TOX3: variants seen among roughly 807,000 people sequenced by gnomAD.
TOX3 encodes the protein CAG trinucleotide repeat-containing gene F9 protein.
TOX3 carries 22 observed loss-of-function variants against 64.3 expected under a neutral mutation model. The observed-to-expected ratio is 0.34, with a 90% CI of 0.24 to 0.49. The LOEUF (loss-of-function observed/expected upper bound fraction) is 0.49, where lower values mean the gene tolerates loss of function less well. Ranked by LOEUF, TOX3 falls within the 20% of genes least tolerant of loss-of-function variation. TOX3 has a pLI of 0.99. For synonymous variants in TOX3, 291 were observed against 273.6 expected, an observed-to-expected ratio of 1.06 and a Z score of -0.63; for missense variants, 661 against 714.4, an observed-to-expected ratio of 0.93 and a Z score of 0.85.
chr16:52,499,898 G>A (rs941915309), intron 1 of TOX3, among the ~76,000 whole-genome samples: 2 of 152,200 alleles, frequency 1.3e-5, no homozygotes, highest in African/African-American at 2.4e-5. Context: ...GGTTCTGAGA[G>A]TGTACAATCT....
intron 1 of TOX3, among the ~76,000 whole-genome samples, chr16:52,529,837 C>T (rs1051416264): frequency 3.3e-5 from 5 of 152,116 alleles, no homozygotes; most frequent in Non-Finnish European, 5.9e-5. Context: ...GTAAATAGAA[C>T]TTTTTAAAAA....
chr16:52,450,570 G>A (rs1477209020), intron 3 of TOX3, 24 bp from the exon 4 acceptor site: 6 of 1,612,740 alleles, frequency 3.7e-6, no homozygotes, highest in Admixed American at 1.7e-5. Context: ...AACAAAGGGG[G>A]AAAATATTTC....
chr16:52,470,339 C>T lies in TOX3; in HGVS notation c.88-1765G>A, dbSNP rs892797775. ...GTGCACCAGTCCTGGCCCCCCAAAC[C>T]GCCTAACAACATATATCACAACCTC... On this transcript the variant is annotated intron_variant, in intron 1 of 6. Coordinates refer to ENST00000219746, the MANE Select transcript of TOX3 (RefSeq NM_001080430.4). Among the ~76,000 whole-genome samples, 6 of 152,224 alleles carry T rather than the reference C, an allele frequency of 3.9e-5. No homozygotes were observed. In the East Asian group the frequency reaches 7.7e-4, roughly 20 times the overall value.
chr16:52,513,025 G>A (rs942369908), intron 1 of TOX3, among the ~76,000 whole-genome samples: 1 of 152,176 alleles, frequency 6.6e-6, no homozygotes, highest in Admixed American at 6.5e-5. Context: ...ATAATGTCAC[G>A]TTGCATACCA....
chr16:52,542,301 T>C (rs549331332), intron 1 of TOX3, among the ~76,000 whole-genome samples: 3 of 152,350 alleles, frequency 2.0e-5, no homozygotes, highest in East Asian at 1.9e-4. Flanking sequence ...CATAGTTGCA[T>C]GTAAACCATA....
chr16:52,511,416 T>C (rs1567343143), intron 1 of TOX3, among the ~76,000 whole-genome samples: 15 of 151,996 alleles, frequency 9.9e-5, no homozygotes, highest in Admixed American at 7.9e-4. Flanking sequence ...TGCTTAAACC[T>C]GGGAGGCGGA....
intron 3 of TOX3, among the ~76,000 whole-genome samples, chr16:52,450,878 T>C (rs1461371992): frequency 6.6e-6 from 1 of 151,344 alleles, no homozygotes; most frequent in South Asian, 2.1e-4. Context: ...GAAAGGAAAT[T>C]AGAAAAACTA....
At chr16:52,452,133 C>T (rs1960369205) in intron 3 of TOX3, among the ~76,000 whole-genome samples, 1 of 152,102 alleles carries the variant, frequency 6.6e-6, no homozygotes, top group Non-Finnish European at 1.5e-5. Flanking sequence ...AATAACTATA[C>T]AGGACAGCCT....
chr16:52,456,769 A>G (rs6498899), intron 3 of TOX3, among the ~76,000 whole-genome samples: 101,481 of 152,126 alleles, frequency 0.67, 34,876 homozygotes, highest in East Asian at 0.88. Flanking sequence ...CATGGCCAAT[A>G]GAATGCCAAA....
chr16:52,485,216 A>G (rs895229474), intron 1 of TOX3, among the ~76,000 whole-genome samples: 2 of 128,530 alleles, frequency 1.6e-5, no homozygotes, highest in Non-Finnish European at 3.2e-5. Context: ...GTGTGTGTGT[A>G]TATACATGTG....
chr16:52,514,933 C>T lies in TOX3; in HGVS notation c.87+31704G>A, dbSNP rs1171343524. On this transcript the variant is annotated intron_variant, in intron 1 of 6. Coordinates refer to ENST00000219746, the MANE Select transcript of TOX3 (RefSeq NM_001080430.4). ...GGTTGAGGCAGGAGAATGGCATGAA[C>T]CCGGGAGGTGGAGGTTGCAGTGAGC... Among the ~76,000 whole-genome samples, 3 of 141,428 alleles carry T rather than the reference C, an allele frequency of 2.1e-5. No individual in the cohort carries two copies. The East Asian group carries it at 6.7e-4, about 32-fold the overall frequency. The allele number at this position is 141,428 out of a possible 152,430, so 92.8% of individuals were successfully genotyped here.
At position 52,441,423 on chromosome 16, in the gene TOX3, C is replaced by T. The variant is rs1188636750; in HGVS notation, c.988-1455G>A. On this transcript the variant is annotated intron_variant, in intron 6 of 6. Transcript: ENST00000219746. ...GTTCAACTTCATGGGACCAAATCACCTGTTAAAAGATAAACAGCAGATCTA... is the reference window on the plus strand; with the variant it reads ...GTTCAACTTCATGGGACCAAATCACTTGTTAAAAGATAAACAGCAGATCTA... Among the ~76,000 whole-genome samples, 3 of 152,150 alleles carry T rather than the reference C, an allele frequency of 2.0e-5. No homozygotes were observed. In the East Asian group the frequency reaches 5.8e-4, roughly 29 times the overall value.
At chr16:52,440,918 A>G (rs550035868) in intron 6 of TOX3, among the ~76,000 whole-genome samples, 18 of 150,668 alleles carry the variant, frequency 1.2e-4, no homozygotes, top group African/African-American at 4.4e-4. Flanking sequence ...CCACCACCAC[A>G]CCCAGCTAAT....
At chr16:52,518,588 A>C (rs1483396054) in intron 1 of TOX3, among the ~76,000 whole-genome samples, 3 of 152,232 alleles carry the variant, frequency 2.0e-5, no homozygotes, top group Non-Finnish European at 4.4e-5. Flanking sequence ...CCATCCTAGT[A>C]CAGCTTTAAT....
At chr16:52,530,962 T>C (rs28555277) in intron 1 of TOX3, among the ~76,000 whole-genome samples, 5,232 of 152,254 alleles carry the variant, frequency 0.034, 337 homozygotes, top group African/African-American at 0.12. Flanking sequence ...TTTCAGTGTT[T>C]AAACTATGAA....
chr16:52,457,728 C>T (rs894637332), intron 3 of TOX3, among the ~76,000 whole-genome samples: 1 of 152,138 alleles, frequency 6.6e-6, no homozygotes, highest in African/African-American at 2.4e-5. Context: ...TGCATAGCTA[C>T]TACTTTTGTA....
intron 5 of TOX3, 76 bp from the exon 6 acceptor site, chr16:52,444,432 G>A (rs1369929189): frequency 1.5e-6 from 2 of 1,293,944 alleles, no homozygotes; most frequent in East Asian, 5.3e-5. Context: ...CACAAATTAG[G>A]TCACATAAAC....
chr16:52,516,436 G>C (rs988888471), intron 1 of TOX3, among the ~76,000 whole-genome samples: 1 of 152,156 alleles, frequency 6.6e-6, no homozygotes, highest in Non-Finnish European at 1.5e-5. Context: ...AGCAATGAAG[G>C]AGAAAAGTTG....
At chr16:52,490,349 C>T (rs992755415) in intron 1 of TOX3, among the ~76,000 whole-genome samples, 8 of 152,276 alleles carry the variant, frequency 5.3e-5, no homozygotes, top group East Asian at 1.9e-4. Context: ...GTCAATTAAA[C>T]CTCTTTTCTT....
Sources: allele counts gnomAD v4.1 joint callset (sites outside exome capture counted in the v4.1 genomes callset), GRCh38; gene constraint gnomAD v4.1.1; transcripts MANE v1.5; gene names NCBI Gene and HGNC (gene_info 2026-07-23, HGNC 2026-07-21).